The following MAF variants were observed in gnomAD, a reference collection of about 807,000 sequenced individuals.
MAF encodes the protein transcription factor Maf.
A neutral mutation model predicts 22.0 loss-of-function variants in MAF; 10 were observed. The observed-to-expected ratio is 0.45, with a 90% CI of 0.28 to 0.77. MAF has a LOEUF of 0.77. Ranked by LOEUF, MAF falls within the 30% of genes least tolerant of loss-of-function variation. The pLI is 0.12. For missense variants in MAF, 544 were observed against 548.4 expected, an observed-to-expected ratio of 0.99 and a Z score of 0.08; for synonymous variants, 337 against 255.8, an observed-to-expected ratio of 1.32 and a Z score of -3.03.
chr16:79,215,528 G>T, the MAF span, among the ~76,000 whole-genome samples: 18 of 152,264 alleles, frequency 1.2e-4, no homozygotes, highest in African/African-American at 4.3e-4. Context: ...ACCAAGAGAG[G>T]ACATGCTGGC....
the MAF span, among the ~76,000 whole-genome samples, chr16:79,422,919 A>G: frequency 0.24 from 36,567 of 152,068 alleles, 4,687 homozygotes; most frequent in South Asian, 0.34. Context: ...AGCAAATAAG[A>G]TAACTTCAGA....
chr16:79,373,240 A>G, the MAF span, among the ~76,000 whole-genome samples: 2 of 151,734 alleles, frequency 1.3e-5, no homozygotes, highest in African/African-American at 4.8e-5. Context: ...CTAATCCCCA[A>G]TGTGGTAGTA....
chr16:79,492,024 G>A, the MAF span, among the ~76,000 whole-genome samples: 1 of 152,094 alleles, frequency 6.6e-6, no homozygotes, highest in Admixed American at 6.5e-5. Flanking sequence ...TTAATTCAAA[G>A]TCAAGCTCAA....
the MAF span, among the ~76,000 whole-genome samples, chr16:79,552,349 G>A: frequency 6.6e-6 from 1 of 151,956 alleles, no homozygotes; most frequent in Non-Finnish European, 1.5e-5. Flanking sequence ...CTGGACTACT[G>A]GTGTGCACCA....
chr16:79,558,277 A>C, the MAF span, among the ~76,000 whole-genome samples: 1 of 152,146 alleles, frequency 6.6e-6, no homozygotes, highest in Non-Finnish European at 1.5e-5. Context: ...ATTGGAAACT[A>C]TGAACTATAA....
the MAF span, among the ~76,000 whole-genome samples, chr16:79,267,344 C>T: frequency 6.6e-6 from 1 of 152,116 alleles, no homozygotes; most frequent in African/African-American, 2.4e-5. Context: ...GGTTACTGCT[C>T]AGGACTCACT....
chr16:79,543,710 G>C, the MAF span, among the ~76,000 whole-genome samples: 20 of 139,188 alleles, frequency 1.4e-4, no homozygotes, highest in Non-Finnish European at 2.6e-4. Context: ...TTTCTGAGAC[G>C]GAGTCTCGCT....
At chr16:79,287,118 CTT>C in the MAF span, among the ~76,000 whole-genome samples, 624 of 136,150 alleles carry the variant, frequency 4.6e-3, 1 homozygote, top group East Asian at 0.02. Context: ...CTCTGCCTTC[CTT>C]TTTTTTTTTT....
At chr16:79,245,019 G>C in the MAF span, among the ~76,000 whole-genome samples, 1 of 152,062 alleles carries the variant, frequency 6.6e-6, no homozygotes, top group Non-Finnish European at 1.5e-5. Flanking sequence ...GCCATGAGCA[G>C]AAAACTGAAA....
the MAF span, among the ~76,000 whole-genome samples, chr16:79,350,569 T>C: frequency 1.3e-5 from 2 of 152,172 alleles, no homozygotes; most frequent in South Asian, 2.1e-4. Context: ...GCAGAAGTGA[T>C]ATGCATCCCT....
chr16:79,391,786 G>A, the MAF span, among the ~76,000 whole-genome samples: 5 of 152,072 alleles, frequency 3.3e-5, no homozygotes, highest in Admixed American at 3.3e-4. Context: ...TACCGGAGAG[G>A]CCCAGGGCAA....
intron 1 of MAF, chr16:79,596,645 T>G: frequency 9.6e-7 from 1 of 1,036,912 alleles, no homozygotes; most frequent in Non-Finnish European, 1.2e-6. Context: ...ACTGACAAGA[T>G]TTTTTTATAT....
the MAF span, among the ~76,000 whole-genome samples, chr16:79,580,173 C>A: frequency 1.3e-5 from 2 of 152,134 alleles, no homozygotes; most frequent in African/African-American, 4.8e-5. Context: ...CCAAAACACT[C>A]CAACACTAAC....
chr16:79,281,991 G>C, the MAF span, among the ~76,000 whole-genome samples: 1 of 152,090 alleles, frequency 6.6e-6, no homozygotes. Context: ...GAGTCCTGGT[G>C]TCTGGGTCTT....
At chr16:79,572,016 G>C in the MAF span, among the ~76,000 whole-genome samples, 1 of 152,122 alleles carries the variant, frequency 6.6e-6, no homozygotes, top group Non-Finnish European at 1.5e-5. Flanking sequence ...TGTATTTTAA[G>C]ATATAACTCA....
At chr16:79,465,500 G>A in the MAF span, among the ~76,000 whole-genome samples, 4 of 152,134 alleles carry the variant, frequency 2.6e-5, no homozygotes, top group Non-Finnish European at 4.4e-5. Flanking sequence ...GGCTGAGCTG[G>A]GAGGATCTCT....
At chr16:79,211,986 C>T in the MAF span, 2 of 1,532,658 alleles carry the variant, frequency 1.3e-6, no homozygotes, top group Non-Finnish European at 1.7e-6. Context: ...GGTAAAGTAT[C>T]ACTTTTCTGG....
chr16:79,220,448 T>G, the MAF span, among the ~76,000 whole-genome samples: 445 of 152,208 alleles, frequency 2.9e-3, 5 homozygotes, highest in Admixed American at 0.022. Flanking sequence ...ATAGTTGTGA[T>G]TATATTCCAT....
the MAF span, among the ~76,000 whole-genome samples, chr16:79,545,431 G>A: frequency 6.6e-6 from 1 of 151,944 alleles, no homozygotes; most frequent in African/African-American, 2.4e-5. Context: ...GTTAAATCAA[G>A]TGTGGCACCC....
Sources: allele counts gnomAD v4.1 joint callset (sites outside exome capture counted in the v4.1 genomes callset), GRCh38; gene constraint gnomAD v4.1.1; transcripts MANE v1.5; gene names NCBI Gene and HGNC (gene_info 2026-07-23, HGNC 2026-07-21).